Variants in HEATR9 observed in about 807,000 individuals in gnomAD.
HEATR9 encodes protein HEATR9.
A neutral mutation model predicts 68.2 loss-of-function variants in HEATR9; 54 were observed. The ratio of observed to expected loss-of-function variants is 0.79; its 90% CI spans 0.64 to 0.99. HEATR9 has a LOEUF of 0.99. HEATR9 is among the 50% of genes least tolerant of loss of function. The probability of loss-of-function intolerance (pLI) is 0.00; values close to 1 mark genes in which losing one functional copy is unlikely to be tolerated. For synonymous variants in HEATR9, 241 were observed against 253.5 expected, an observed-to-expected ratio of 0.95 and a Z score of 0.47; for missense variants, 662 against 679.7, an observed-to-expected ratio of 0.97 and a Z score of 0.29.
intron 2 of HEATR9, among the ~76,000 whole-genome samples, chr17:35,866,078 T>C (rs1175403989): frequency 6.6e-6 from 1 of 152,218 alleles, no homozygotes; most frequent in Non-Finnish European, 1.5e-5. Flanking sequence ...TAAGCCTTTC[T>C]TTCACTCTTT....
rs1206138871 is a variant in HEATR9 at position 35,858,189 on chromosome 17, G to C, written c.1152+11C>G. On this transcript the variant is annotated intron_variant, in intron 11 of 14. Transcript: ENST00000604834. Reference sequence around the variant, plus strand: ...GGTGTCTCTGGGCTTGGGAGCTTTGGTCTCACTTACAAGGAAGGGTTCATT... The same window carrying C: ...GGTGTCTCTGGGCTTGGGAGCTTTGCTCTCACTTACAAGGAAGGGTTCATT... 32 of 1,614,010 alleles carry C rather than the reference G, an allele frequency of 2.0e-5. No homozygotes were observed. Among genetic ancestry groups the C allele is most frequent in the Non-Finnish European group, 2.6e-5 (31 of 1,180,018 alleles).
chr17:35,864,165 G>A (rs1157314297), intron 6 of HEATR9, 81 bp downstream of exon 6: 5 of 1,202,098 alleles, frequency 4.2e-6, no homozygotes, highest in Middle Eastern at 1.9e-4. Flanking sequence ...AGCACCCCGG[G>A]GAGCCTCGTC....
intron 11 of HEATR9, among the ~76,000 whole-genome samples, chr17:35,857,473 C>T (rs1055684914): frequency 1.3e-5 from 2 of 152,048 alleles, no homozygotes; most frequent in African/African-American, 4.8e-5. Context: ...AAATATAACA[C>T]CTAGGGCCGG....
At position 35,868,660 on chromosome 17, in the gene HEATR9, G is replaced by T; in HGVS notation, c.83C>A (p.Thr28Asn). The change falls in exon 1 of 15, where the codon ACC (threonine) becomes AAC (asparagine). Residue 28 changes from threonine to asparagine, a missense_variant. Thr to Asn is a moderately conservative substitution (Grantham distance 65). Transcript: ENST00000604834. ...LYPWLEYPDK[T>N]KELRKAMAPV... Reference sequence around the variant, plus strand: ...TCTGTCCATCCCAGCCTCACCTTTGGTCTTGTCTGGATATTCCAGCCATGG... The same window carrying T: ...TCTGTCCATCCCAGCCTCACCTTTGTTCTTGTCTGGATATTCCAGCCATGG... 1 of 1,614,116 alleles carries T rather than the reference G, an allele frequency of 6.2e-7. No individual in the cohort carries two copies. Among genetic ancestry groups the T allele is most frequent in the East Asian group, 2.2e-5 (1 of 44,888 alleles).
chr17:35,867,456 AGAG>A (rs1302088410), intron 1 of HEATR9, among the ~76,000 whole-genome samples: 1 of 136,348 alleles, frequency 7.3e-6, no homozygotes, highest in Admixed American at 7.5e-5. Context: ...AAAAAAAAAA[AGAG>A]ATAGCAGTTG....
At position 35,868,744 on chromosome 17, in the gene HEATR9, T is replaced by A. The variant is rs765045023; in HGVS notation, c.-2A>T. 3 of 1,614,118 alleles carry A rather than the reference T, an allele frequency of 1.9e-6. No homozygotes were observed. Among genetic ancestry groups the A allele is most frequent in the East Asian group, 2.2e-5 (1 of 44,884 alleles). On this transcript the variant is annotated 5_prime_UTR_variant, in exon 1 of 15. The change creates a new upstream start codon in the 5' untranslated region. Transcript: ENST00000604834. ...ATCAGTTGATTTTTCATAGGCCATC[T>A]TCTTCTCCTGGTGGGGCCAGAGGGA...
Position 35,856,155 on chromosome 17 carries a change from A to C in HEATR9, c.1278+18T>G. 2 of 1,612,856 alleles carry C rather than the reference A, an allele frequency of 1.2e-6. No individual in the cohort carries two copies. The highest frequency in any genetic ancestry group is 1.7e-6 in the Non-Finnish European group (2 of 1,179,182). On this transcript the variant is annotated intron_variant, in intron 13 of 14. Coordinates refer to ENST00000604834, the MANE Select transcript of HEATR9 (RefSeq NM_152781.4). ...CATCAACACAGGAATTGGGTCAGAG[A>C]AGCAGAGCCTGCCTTACCAAAGAGA...
chr17:35,861,383 C>G, intron 8 of HEATR9: 3 of 1,605,226 alleles, frequency 1.9e-6, no homozygotes, highest in Non-Finnish European at 1.7e-6. Context: ...ACTGTAAGCT[C>G]TTTACCAGCT....
In HEATR9 at chr17:35,866,063, C is replaced by T. The variant is rs1257883483; in HGVS notation, c.138+661G>A. ...ATTTGGCTAGGATTCATCCCTGTCT[C>T]TTCTTAAGCCTTTCTTTCACTCTTT... On this transcript the variant is annotated intron_variant, in intron 2 of 14. Coordinates refer to ENST00000604834, the MANE Select transcript of HEATR9 (RefSeq NM_152781.4). Among the ~76,000 whole-genome samples the T allele has an allele frequency of 5.3e-5, 8 of 152,160 alleles. No homozygotes were observed. The South Asian group carries it at 1.0e-3, about 20-fold the overall frequency.
At position 35,855,715 on chromosome 17, in the gene HEATR9, G is replaced by C. The variant is rs1014129579; in HGVS notation, c.1314C>G (p.His438Gln). The C allele has an allele frequency of 8.7e-6, 14 of 1,614,028 alleles. No individual in the cohort carries two copies. The African/African-American group carries it at 1.7e-4, about 20-fold the overall frequency. The change falls in exon 14 of 15, where the codon CAC becomes CAG. Residue 438 changes from histidine (H) to glutamine (Q), a missense_variant. By Grantham distance (24) the His-to-Gln change is conservative (BLOSUM62 0). Transcript: ENST00000604834. ...CTGCATCTAGTAAGTCCAGGAGCAA[G>C]TGGAACACTTGTGGACTGCGGATCC... The part of the protein sequence containing the change: ...VLGIRSPQVF[H>Q]LLLDLLDAEN...
intron 7 of HEATR9, 51 bp from the exon 8 acceptor site, chr17:35,863,176 C>G (rs763075406): frequency 1.4e-5 from 23 of 1,608,736 alleles, no homozygotes; most frequent in Non-Finnish European, 1.9e-5. Flanking sequence ...TACTGCCCCT[C>G]TCTGCAAGGA....
Position 35,856,728 on chromosome 17 carries a change from TCA to T in HEATR9, c.1226+2_1226+3del, listed in dbSNP as rs1223136415. The T allele has an allele frequency of 6.3e-7, 1 of 1,599,696 alleles. No individual in the cohort carries two copies. The highest frequency in any genetic ancestry group is 1.1e-5 in the South Asian group (1 of 88,340). ...TTGGCCCTGGCAGCTCCCAGGCCAC[TCA>T]CGCCTCCACCAAGTTCATCATCGTA... On this transcript the variant is annotated splice_donor_variant and splice_donor_region_variant and intron_variant, in intron 12 of 14. Transcript: ENST00000604834. LOFTEE classifies it high-confidence loss of function.
intron 11 of HEATR9, 104 bp downstream of exon 11, chr17:35,858,096 C>T: frequency 1.3e-6 from 2 of 1,505,666 alleles, no homozygotes; most frequent in Non-Finnish European, 1.8e-6. Context: ...AGGAGTAGGT[C>T]AGGATGAATG....
At chr17:35,866,958 A>C (rs534758639) in intron 1 of HEATR9, among the ~76,000 whole-genome samples, 185 bp from the exon 2 acceptor site, 1 of 152,230 alleles carries the variant, frequency 6.6e-6, no homozygotes, top group South Asian at 2.1e-4. Flanking sequence ...AAATACAAAA[A>C]AAACATTAGC....
At position 35,861,132 on chromosome 17, in the gene HEATR9, C is replaced by T. The variant is rs919750794; in HGVS notation, c.756+1863G>A. ...GTAACTGTTGTACCATTTTCTCTTCCAACTGCTTCCCTTTGCCTGCAAGAG... is the reference window on the plus strand; with the variant it reads ...GTAACTGTTGTACCATTTTCTCTTCTAACTGCTTCCCTTTGCCTGCAAGAG... On this transcript the variant is annotated intron_variant, in intron 8 of 14. Coordinates refer to ENST00000604834, the MANE Select transcript of HEATR9 (RefSeq NM_152781.4). 3.8e-6 allele frequency: 5 copies of T among 1,332,458 alleles called. No homozygotes were observed. The Admixed American group carries it at 6.7e-5, about 18-fold the overall frequency. 82.5% of individuals were successfully genotyped at this position (1,332,458 alleles called of 1,614,324 possible). A position where few individuals can be genotyped will look rare whatever the true frequency, so the allele number is the denominator to read the frequency against.
In HEATR9 at chr17:35,855,099, C is replaced by T. The variant is rs749035020; in HGVS notation, c.1677G>A (p.Lys559=). The T allele has an allele frequency of 3.1e-6, 5 of 1,613,970 alleles. No homozygotes were observed. The highest frequency in any genetic ancestry group is 4.2e-6 in the Non-Finnish European group (5 of 1,180,006). ...TTTCAGCAAGGACCCGGAGCTGTTT[C>T]TTGATCCTTGGCTGCCAGGGCCCTA... ...QVIGPWQPRI[K]KQLRVLAEIA... The change falls in exon 15 of 15, where the codon AAG becomes AAA. Residue 559 remains lysine (K), a synonymous_variant. Transcript: ENST00000604834.
intron 8 of HEATR9, among the ~76,000 whole-genome samples, chr17:35,859,839 A>G (rs111684145): frequency 2.8e-4 from 42 of 152,238 alleles, no homozygotes; most frequent in African/African-American, 9.9e-4. Context: ...CTTCCAATTC[A>G]CACCCTTTCT....
intron 11 of HEATR9, among the ~76,000 whole-genome samples, chr17:35,857,768 GA>G (rs928334363): frequency 1.5e-4 from 23 of 151,302 alleles, no homozygotes; most frequent in African/African-American, 5.3e-4. Context: ...CAAAAAAAAA[GA>G]AAAAAAATAT....
chr17:35,856,269 G>C, intron 12 of HEATR9, 45 bp from the exon 13 acceptor site: 1 of 1,613,938 alleles, frequency 6.2e-7, no homozygotes, highest in Non-Finnish European at 8.5e-7. Flanking sequence ...TTAAGGAGTA[G>C]GGGAAGTGGA....
Sources: gnomAD v4.1 joint callset for allele counts (sites outside exome capture counted in the v4.1 genomes callset) on GRCh38, gnomAD v4.1.1 for gene constraint, MANE v1.5 for transcripts, NCBI Gene and HGNC (gene_info 2026-07-23, HGNC 2026-07-21) for gene names.